Variants in CSRNP3 observed in about 807,000 individuals in gnomAD.
CSRNP3 encodes the protein cysteine and serine rich nuclear protein 3.
Under a neutral mutation model 48.0 loss-of-function variants are expected in CSRNP3, and 12 were observed. The observed-to-expected ratio is 0.25, with a 90% confidence interval of 0.16 to 0.41. The LOEUF (loss-of-function observed/expected upper bound fraction) is 0.41. Ranked by LOEUF, CSRNP3 falls within the 10% of genes least tolerant of loss-of-function variation. The pLI, the probability that CSRNP3 is intolerant of heterozygous loss-of-function variation, is 1.00. For missense variants in CSRNP3, 580 were observed against 724.4 expected (o/e 0.80, Z 2.29); for synonymous variants, 263 against 269.7 (o/e 0.98, Z 0.24).
intron 2 of CSRNP3, among the ~76,000 whole-genome samples, chr2:165,500,037 A>G (rs1684335324): frequency 6.7e-6 from 1 of 149,354 alleles, no homozygotes; most frequent in South Asian, 2.1e-4. Context: ...CAGACTTAGC[A>G]TCACCAAAAA....
chr2:165,472,729 T>C (rs1683911097), intron 1 of CSRNP3, among the ~76,000 whole-genome samples: 1 of 152,048 alleles, frequency 6.6e-6, no homozygotes, highest in Admixed American at 6.6e-5. Flanking sequence ...TACAACTCAT[T>C]TAAATATTTG....
intron 5 of CSRNP3, among the ~76,000 whole-genome samples, chr2:165,665,969 AGGG>A (rs372945124): frequency 1.8e-5 from 2 of 111,708 alleles, no homozygotes; most frequent in Non-Finnish European, 3.8e-5. Context: ...GGAAAGAGAG[AGGG>A]GAAGAAAGAA....
chr2:165,552,540 C>T (rs571770850), intron 3 of CSRNP3, among the ~76,000 whole-genome samples: 1 of 152,250 alleles, frequency 6.6e-6, no homozygotes, highest in South Asian at 2.1e-4. Context: ...GTAGTTACAT[C>T]TCCTTTAATC....
At chr2:165,638,865 A>G (rs773646718) in intron 4 of CSRNP3, among the ~76,000 whole-genome samples, 3 of 152,238 alleles carry the variant, frequency 2.0e-5, no homozygotes, top group Admixed American at 2.0e-4. Flanking sequence ...AATATTCATG[A>G]TAGTTATGTT....
At chr2:165,563,452 T>G (rs1685260008) in intron 3 of CSRNP3, among the ~76,000 whole-genome samples, 1 of 152,182 alleles carries the variant, frequency 6.6e-6, no homozygotes, top group Admixed American at 6.6e-5. Context: ...TCTATAAATC[T>G]TATCCCACCA....
chr2:165,552,089 C>A (rs1685103352), intron 3 of CSRNP3, among the ~76,000 whole-genome samples: 1 of 152,192 alleles, frequency 6.6e-6, no homozygotes, highest in South Asian at 2.1e-4. Context: ...CTGAGCAGGC[C>A]AGTGTTCTGA....
chr2:165,582,324 C>T (rs1685561351), intron 3 of CSRNP3, among the ~76,000 whole-genome samples: 1 of 152,198 alleles, frequency 6.6e-6, no homozygotes, highest in South Asian at 2.1e-4. Context: ...TGGAATGAGG[C>T]TATCTAACCA....
chr2:165,557,820 A>G (rs1685179733), intron 3 of CSRNP3, among the ~76,000 whole-genome samples: 1 of 152,200 alleles, frequency 6.6e-6, no homozygotes, highest in Non-Finnish European at 1.5e-5. Context: ...CTCTGCCCTT[A>G]GGGGCTTGCA....
At chr2:165,664,523 G>A (rs760455598) in intron 5 of CSRNP3, among the ~76,000 whole-genome samples, 4 of 152,152 alleles carry the variant, frequency 2.6e-5, no homozygotes, top group Non-Finnish European at 4.4e-5. Context: ...AATGGTGATG[G>A]ACATGCAAAT....
chr2:165,521,840 T>A (rs1684667355), intron 3 of CSRNP3, among the ~76,000 whole-genome samples: 1 of 152,168 alleles, frequency 6.6e-6, no homozygotes, highest in East Asian at 1.9e-4. Flanking sequence ...CAAAAATGTC[T>A]TCAGGCATTG....
chr2:165,631,255 G>T (rs1686530084), intron 4 of CSRNP3, among the ~76,000 whole-genome samples: 1 of 152,148 alleles, frequency 6.6e-6, no homozygotes, highest in South Asian at 2.1e-4. Flanking sequence ...TAGAGACAAT[G>T]TGTGTGTGTA....
chr2:165,637,010 G>T (rs996144567), intron 4 of CSRNP3, among the ~76,000 whole-genome samples: 1 of 152,104 alleles, frequency 6.6e-6, no homozygotes, highest in Non-Finnish European at 1.5e-5. Flanking sequence ...GATAGGTTTG[G>T]TTGGCTTGTT....
At chr2:165,470,935 T>C (rs1683885682) in intron 1 of CSRNP3, among the ~76,000 whole-genome samples, 1 of 152,032 alleles carries the variant, frequency 6.6e-6, no homozygotes, top group Admixed American at 6.6e-5. Flanking sequence ...CTAATAGGAA[T>C]GACTATATAA....
chr2:165,621,032 A>G (rs1012961073), intron 4 of CSRNP3, among the ~76,000 whole-genome samples: 1 of 152,098 alleles, frequency 6.6e-6, no homozygotes, highest in African/African-American at 2.4e-5. Context: ...ACCATCATAT[A>G]GGTAACCTGG....
intron 2 of CSRNP3, among the ~76,000 whole-genome samples, chr2:165,511,465 G>A (rs1684504896): frequency 6.6e-6 from 1 of 152,152 alleles, no homozygotes; most frequent in Non-Finnish European, 1.5e-5. Context: ...AAGTTGGTGA[G>A]AGGAAATGGA....
chr2:165,494,261 T>C (rs1471011908), intron 1 of CSRNP3, among the ~76,000 whole-genome samples: 1 of 152,042 alleles, frequency 6.6e-6, no homozygotes, highest in Admixed American at 6.6e-5. Context: ...TAGCAACCAA[T>C]TTGATTTTTG....
chr2:165,586,599 C>G (rs1035083374), intron 3 of CSRNP3, among the ~76,000 whole-genome samples: 2 of 152,122 alleles, frequency 1.3e-5, no homozygotes, highest in African/African-American at 4.8e-5. Context: ...GTGTTACCTG[C>G]TCCTCAGACA....
rs1377084613 is a variant in CSRNP3 at position 165,550,669 on chromosome 2, G to C, written c.-24+32708G>C. On this transcript the variant is annotated intron_variant, in intron 3 of 6. Transcript: ENST00000651982. ...CACCATCAAGGCACACTATTCTTCA[G>C]TTTCTATATTTAGAGCAATGTAGGT... 2.0e-5 allele frequency among the ~76,000 whole-genome samples: 3 copies of C among 152,296 alleles called. No homozygotes were observed. In the South Asian group the frequency reaches 6.2e-4, roughly 32 times the overall value.
chr2:165,481,688 A>G (rs891099281), intron 1 of CSRNP3, among the ~76,000 whole-genome samples: 5 of 152,074 alleles, frequency 3.3e-5, no homozygotes, highest in African/African-American at 1.2e-4. Context: ...TTTTGTTTTT[A>G]GCTCTAATAC....
Sources: allele counts gnomAD v4.1 joint callset (sites outside exome capture counted in the v4.1 genomes callset), GRCh38; gene constraint gnomAD v4.1.1; transcripts MANE v1.5; gene names NCBI Gene and HGNC (gene_info 2026-07-23, HGNC 2026-07-21).